The following MACROD2 variants were observed in gnomAD, a reference collection of about 807,000 sequenced individuals.
MACROD2 encodes the protein ADP-ribose glycohydrolase MACROD2.
A neutral mutation model predicts 70.4 loss-of-function variants in MACROD2; 36 were observed. The observed-to-expected ratio is 0.51, with a 90% CI of 0.39 to 0.68. MACROD2 has a LOEUF of 0.68. Among genes scored for constraint, MACROD2 ranks in the 30% least tolerant of loss-of-function variants. The probability of loss-of-function intolerance (pLI) is 0.00; values close to 1 mark genes in which losing one functional copy is unlikely to be tolerated. For missense variants in MACROD2, 496 were observed against 538.4 expected, an observed-to-expected ratio of 0.92 and a Z score of 0.78; for synonymous variants, 172 against 178.8, an observed-to-expected ratio of 0.96 and a Z score of 0.30.
intron 5 of MACROD2, among the ~76,000 whole-genome samples, chr20:14,726,750 CCCAGGCACCTGCCT>C (rs142278662): frequency 0.026 from 4,021 of 152,228 alleles, 187 homozygotes; most frequent in African/African-American, 0.091. Context: ...GGGATTCAAA[CCCAGGCACCTGCCT>C]CCAGCTCTGT....
At chr20:14,983,542 A>G (rs963607935) in intron 5 of MACROD2, among the ~76,000 whole-genome samples, 1 of 152,090 alleles carries the variant, frequency 6.6e-6, no homozygotes, top group African/African-American at 2.4e-5. Flanking sequence ...GTGATAGGGA[A>G]TAAGTCTTAG....
intron 8 of MACROD2, among the ~76,000 whole-genome samples, chr20:15,814,432 C>T (rs555251214): frequency 6.6e-6 from 1 of 152,136 alleles, no homozygotes; most frequent in African/African-American, 2.4e-5. Context: ...TCTTATACAC[C>T]ACATCTCAGA....
intron 2 of MACROD2, among the ~76,000 whole-genome samples, chr20:14,069,892 C>T (rs551008354): frequency 1.3e-4 from 20 of 151,650 alleles, no homozygotes; most frequent in African/African-American, 2.7e-4. Flanking sequence ...TGTCTGTGCT[C>T]GCTTATCACG....
rs974006725 is a variant in MACROD2 at position 14,820,042 on chromosome 20, G to C, written c.418+135083G>C. ...GTAATTCTGATGATCATCCCGGAGT[G>C]CTGCTGGTGAAGGTGGACAGAGTAG... On this transcript the variant is annotated intron_variant, in intron 5 of 17. Transcript: ENST00000684519. 2.0e-5 allele frequency among the ~76,000 whole-genome samples: 3 copies of C among 152,222 alleles called. No individual in the cohort carries two copies. The East Asian group carries it at 5.8e-4, about 29-fold the overall frequency.
intron 5 of MACROD2, among the ~76,000 whole-genome samples, chr20:15,009,248 A>C (rs1182390935): frequency 6.6e-6 from 1 of 152,180 alleles, no homozygotes; most frequent in East Asian, 1.9e-4. Context: ...CACTCCACCA[A>C]GAGTAGTTTT....
chr20:15,242,863 G>A (rs370987286), intron 6 of MACROD2, among the ~76,000 whole-genome samples: 1 of 152,190 alleles, frequency 6.6e-6, no homozygotes, highest in African/African-American at 2.4e-5. Flanking sequence ...AGGTTAATGT[G>A]CAGGACGCTA....
At chr20:15,055,803 T>G (rs1230121299) in intron 5 of MACROD2, among the ~76,000 whole-genome samples, 2 of 150,990 alleles carry the variant, frequency 1.3e-5, no homozygotes, top group Non-Finnish European at 3.0e-5. Context: ...ACATCTTTTT[T>G]TTTTTTTTTT....
chr20:15,612,047 T>C (rs1040276571), intron 8 of MACROD2, among the ~76,000 whole-genome samples: 1 of 151,742 alleles, frequency 6.6e-6, no homozygotes, highest in African/African-American at 2.4e-5. Flanking sequence ...GGTGACCGAC[T>C]GGTGGAGTCG....
chr20:15,668,570 A>G (rs2049933768), intron 8 of MACROD2, among the ~76,000 whole-genome samples: 1 of 151,638 alleles, frequency 6.6e-6, no homozygotes, highest in Non-Finnish European at 1.5e-5. Context: ...TCTGTCTGAA[A>G]AATAAAATAA....
At chr20:15,806,010 A>T (rs988009225) in intron 8 of MACROD2, among the ~76,000 whole-genome samples, 2 of 152,216 alleles carry the variant, frequency 1.3e-5, no homozygotes, top group Non-Finnish European at 2.9e-5. Context: ...AGTTCATCAG[A>T]ATAGGGCTCA....
chr20:14,396,924 C>CA (rs373227803), intron 3 of MACROD2, among the ~76,000 whole-genome samples: 40,177 of 82,378 alleles, frequency 0.49, 9,184 homozygotes, highest in Admixed American at 0.52. Flanking sequence ...GACTCCATCT[C>CA]AAAAAAAAAA....
At chr20:15,478,385 A>T (rs1248143326) in intron 7 of MACROD2, among the ~76,000 whole-genome samples, 4 of 152,168 alleles carry the variant, frequency 2.6e-5, no homozygotes, top group Admixed American at 2.6e-4. Flanking sequence ...AGTCTTTAGA[A>T]AGACAGGTCT....
chr20:15,892,516 T>C (rs2064905337), intron 10 of MACROD2, among the ~76,000 whole-genome samples: 2 of 152,214 alleles, frequency 1.3e-5, no homozygotes, highest in Admixed American at 1.3e-4. Flanking sequence ...CCTTTCTCCA[T>C]TCCTCTAGCC....
At chr20:15,972,405 G>T (rs532196904) in intron 13 of MACROD2, among the ~76,000 whole-genome samples, 5 of 152,160 alleles carry the variant, frequency 3.3e-5, no homozygotes, top group Non-Finnish European at 7.4e-5. Flanking sequence ...GAAACATAAT[G>T]AAAATTACAC....
chr20:14,389,461 T>C (rs1860224028), intron 3 of MACROD2, among the ~76,000 whole-genome samples: 1 of 146,704 alleles, frequency 6.8e-6, no homozygotes, highest in Non-Finnish European at 1.5e-5. Context: ...TCTCCGTCAA[T>C]TGCCCAGGCC....
chr20:15,339,046 C>T (rs1391735944), intron 6 of MACROD2, among the ~76,000 whole-genome samples: 5 of 151,626 alleles, frequency 3.3e-5, no homozygotes, highest in Admixed American at 2.0e-4. Context: ...TATAGCTGGC[C>T]TCTAGCAAAT....
In MACROD2 at chr20:16,049,911, G is replaced by T; in HGVS notation, c.*35G>T. 1 of 1,586,748 alleles carries T rather than the reference G, an allele frequency of 6.3e-7. No homozygotes were observed. Among genetic ancestry groups the T allele is most frequent in the South Asian group, 1.1e-5 (1 of 89,130 alleles). Reference sequence around the variant, plus strand: ...GCATCGCAAGGCCTCTCCTGGCTCTGGGGGAGCTCGGGAAGATAGCAGCAC... The same window carrying T: ...GCATCGCAAGGCCTCTCCTGGCTCTTGGGGAGCTCGGGAAGATAGCAGCAC... On this transcript the variant is annotated 3_prime_UTR_variant, in exon 18 of 18. Transcript: ENST00000684519.
intron 8 of MACROD2, among the ~76,000 whole-genome samples, chr20:15,805,993 A>G (rs2063765880): frequency 1.3e-5 from 2 of 152,188 alleles, no homozygotes; most frequent in African/African-American, 4.8e-5. Flanking sequence ...TCCTGAAGCA[A>G]CCTTACAGTT....
intron 5 of MACROD2, among the ~76,000 whole-genome samples, chr20:14,940,584 G>A (rs1435385376): frequency 6.6e-6 from 1 of 152,126 alleles, no homozygotes; most frequent in African/African-American, 2.4e-5. Context: ...TCTGTATGCA[G>A]TTTTTGGAGC....
Sources: gnomAD v4.1 joint callset for allele counts (sites outside exome capture counted in the v4.1 genomes callset) on GRCh38, gnomAD v4.1.1 for gene constraint, MANE v1.5 for transcripts, NCBI Gene and HGNC (gene_info 2026-07-23, HGNC 2026-07-21) for gene names.